Variants in CMYA5 observed in about 807,000 individuals in gnomAD.
The protein encoded by CMYA5 is cardiomyopathy associated 5.
CMYA5 carries 246 observed loss-of-function variants against 318.9 expected under a neutral mutation model. The ratio of observed to expected loss-of-function variants is 0.77; its 90% CI spans 0.70 to 0.86. CMYA5 has a LOEUF of 0.86. Ranked by LOEUF, CMYA5 falls within the 40% of genes least tolerant of loss-of-function variation. The probability of loss-of-function intolerance (pLI) is 0.00; values close to 1 mark genes in which losing one functional copy is unlikely to be tolerated. For missense variants in CMYA5, 4,589 were observed against 4,678.2 expected (o/e 0.98, Z 0.56); for synonymous variants, 1,641 against 1,729.5 (o/e 0.95, Z 1.27).
At chr5:79,778,811 C>CTGTGTGTGTGTGTG in intron 9 of CMYA5, among the ~76,000 whole-genome samples, 1 of 85,016 alleles carries the variant, frequency 1.2e-5, no homozygotes, top group South Asian at 4.7e-4. Context: ...CTCTCTCTTT[C>CTGTGTGTGTGTGTG]TGTGTGTGTG....
At chr5:79,791,098 C>CCATCAGCCCACT in intron 11 of CMYA5, 29 bp downstream of exon 11, 5 of 1,524,758 alleles carry the variant, frequency 3.3e-6, no homozygotes, top group Non-Finnish European at 4.5e-6. Flanking sequence ...CACAAGTGGG[C>CCATCAGCCCACT]TGATGGCCCA....
At chr5:79,721,568 G>A (rs1179121417) in intron 1 of CMYA5, among the ~76,000 whole-genome samples, 3 of 152,086 alleles carry the variant, frequency 2.0e-5, no homozygotes, top group Non-Finnish European at 4.4e-5. Flanking sequence ...TAAAGATATA[G>A]GAAGGTTCCA....
At chr5:79,701,744 C>T (rs76933499) in intron 1 of CMYA5, among the ~76,000 whole-genome samples, 3,229 of 152,248 alleles carry the variant, frequency 0.021, 115 homozygotes, top group African/African-American at 0.073. Flanking sequence ...AACACATTTG[C>T]CCACATAAAA....
chr5:79,712,405 G>A (rs1308488700), intron 1 of CMYA5, among the ~76,000 whole-genome samples: 2 of 151,942 alleles, frequency 1.3e-5, no homozygotes, highest in African/African-American at 2.4e-5. Context: ...TATAGATGGG[G>A]TATCACCATG....
At position 79,761,668 on chromosome 5, in the gene CMYA5, A is replaced by G. The variant is rs530787207; in HGVS notation, c.11261-143A>G. On this transcript the variant is annotated intron_variant, in intron 7 of 12. Transcript: ENST00000446378. ...TGTTGCTTTCACATGTATTCTAAGG[A>G]GCTGGTTTTCACATAATGGTATCTG... 239 of 749,642 alleles carry G rather than the reference A, an allele frequency of 3.2e-4. 3 individuals carry two copies. In the South Asian group the frequency reaches 4.0e-3, roughly 13 times the overall value. The allele number at this position is 749,642 out of a possible 1,614,324, so 46.4% of individuals were successfully genotyped here.
In CMYA5 at chr5:79,758,860, G is replaced by A; in HGVS notation, c.11218G>A (p.Val3740Ile). The change falls in exon 7 of 13, where the codon GTT becomes ATT. Residue 3740 changes from valine to isoleucine, a missense_variant. By Grantham distance (29) the Val-to-Ile change is conservative (BLOSUM62 3). Coordinates refer to ENST00000446378, the MANE Select transcript of CMYA5 (RefSeq NM_153610.5). ...NKEDVIDSFQ[V>I]YCMEEPQDDQ... ...GGAAGATGTCATTGATTCATTTCAG[G>A]TTTACTGCATGGAGGAGCCACAAGA... 1 of 1,602,898 alleles carries A rather than the reference G, an allele frequency of 6.2e-7. No homozygotes were observed. The highest frequency in any genetic ancestry group is 8.5e-7 in the Non-Finnish European group (1 of 1,174,762).
intron 1 of CMYA5, among the ~76,000 whole-genome samples, chr5:79,691,178 C>T (rs1458270302): frequency 6.6e-6 from 1 of 152,110 alleles, no homozygotes; most frequent in African/African-American, 2.4e-5. Flanking sequence ...GAGTGTTGGG[C>T]TGGAGCTGCC....
In CMYA5 at chr5:79,711,263, G is replaced by A. The variant is rs557634776; in HGVS notation, c.150-17652G>A. On this transcript the variant is annotated intron_variant, in intron 1 of 12. Coordinates refer to ENST00000446378, the MANE Select transcript of CMYA5 (RefSeq NM_153610.5). The stretch of plus-strand genomic sequence containing the variant: ...TGATGATGGGTCCATCAGGTAGGTC[G>A]TCTGGGTGCTTTTCACTGGCAGCTC... 5.9e-5 allele frequency among the ~76,000 whole-genome samples: 9 copies of A among 152,258 alleles called. No homozygotes were observed. In the South Asian group the frequency reaches 1.0e-3, roughly 18 times the overall value.
chr5:79,774,416 C>T (rs1490923374), intron 9 of CMYA5: 1 of 152,214 alleles, frequency 6.6e-6, no homozygotes, highest in Non-Finnish European at 1.5e-5. Context: ...AATTTTCCAC[C>T]GTTCTGCTGT....
intron 8 of CMYA5, 167 bp downstream of exon 8, chr5:79,762,124 C>A: frequency 1.5e-6 from 1 of 661,712 alleles, no homozygotes. Context: ...TCTCAAGAAG[C>A]TCATGCTCAG....
rs765408656 is a variant in CMYA5 at position 79,734,228 on chromosome 5, A to T, written c.5463A>T (p.Gln1821His). The stretch of plus-strand genomic sequence containing the variant: ...CTCCTTCTGACCTCCTTGTAGAACA[A>T]AAAAAGACAGAAAAAGCACTTCATT... ...KIAPSDLLVEQKKTEKALHSD... is the reference protein window; with the variant it reads ...KIAPSDLLVEHKKTEKALHSD... Residue 1821 changes from glutamine to histidine, a missense_variant, in exon 2 of 13, where the codon CAA becomes CAT. Gln to His is a conservative substitution (Grantham distance 24, BLOSUM62 0). Coordinates refer to ENST00000446378, the MANE Select transcript of CMYA5 (RefSeq NM_153610.5). 7.4e-6 allele frequency: 12 copies of T among 1,613,688 alleles called. No individual in the cohort carries two copies. The Admixed American group carries it at 8.3e-5, about 11-fold the overall frequency.
At position 79,734,736 on chromosome 5, in the gene CMYA5, C is replaced by T; in HGVS notation, c.5971C>T (p.Pro1991Ser). The T allele has an allele frequency of 6.2e-7, 1 of 1,613,802 alleles. No homozygotes were observed. The highest frequency in any genetic ancestry group is 8.5e-7 in the Non-Finnish European group (1 of 1,179,804). The change falls in exon 2 of 13, where the codon CCA becomes TCA. Residue 1991 changes from proline (P) to serine (S), a missense_variant. Physicochemically the swap from Pro to Ser is moderately conservative, Grantham distance 74. Transcript: ENST00000446378. Reference protein sequence around the residue: ...SSEEVKLAEEPKSLVLAGNVE... With the variant: ...SSEEVKLAEESKSLVLAGNVE... ...TGAAGAAGTAAAGCTGGCTGAAGAA[C>T]CAAAGTCTTTAGTCCTAGCTGGAAA...
rs1828043196 is a variant in CMYA5, at chr5:79,735,631, A to T, written c.6866A>T (p.Tyr2289Phe). 2.5e-6 allele frequency: 4 copies of T among 1,613,570 alleles called. No homozygotes were observed. Among genetic ancestry groups the T allele is most frequent in the Non-Finnish European group, 3.4e-6 (4 of 1,179,720 alleles). Residue 2289 changes from tyrosine (Y) to phenylalanine (F), a missense_variant, in exon 2 of 13, where the codon TAT (tyrosine) becomes TTT (phenylalanine). By Grantham distance (22) the Tyr-to-Phe change is conservative. Coordinates refer to ENST00000446378, the MANE Select transcript of CMYA5 (RefSeq NM_153610.5). Reference sequence around the variant, plus strand: ...ATTTCTGAGGTGTCTAGGGAAGATTATGGAAAAAAAGAAATCTCAGGCGAT... The same window carrying T: ...ATTTCTGAGGTGTCTAGGGAAGATTTTGGAAAAAAAGAAATCTCAGGCGAT... ...KFISEVSRED[Y>F]GKKEISGDSE...
intron 1 of CMYA5, among the ~76,000 whole-genome samples, chr5:79,698,068 C>T (rs1018857574): frequency 4.6e-5 from 7 of 151,978 alleles, no homozygotes; most frequent in Non-Finnish European, 8.8e-5. Context: ...AGTTATTTAC[C>T]ATAATATGTA....
intron 3 of CMYA5, among the ~76,000 whole-genome samples, chr5:79,744,544 C>T (rs1001562948): frequency 2.0e-5 from 3 of 152,238 alleles, no homozygotes; most frequent in African/African-American, 7.2e-5. Context: ...GAGGCTGCTG[C>T]ACAGTTTCCC....
At chr5:79,789,590 A>C (rs1315582137) in intron 10 of CMYA5, among the ~76,000 whole-genome samples, 1 of 151,680 alleles carries the variant, frequency 6.6e-6, no homozygotes, top group Non-Finnish European at 1.5e-5. Flanking sequence ...TGCCTGGCTA[A>C]TTTTTGGATT....
chr5:79,714,431 C>CTTTTTTTTTTTTTT (rs71615553), intron 1 of CMYA5, among the ~76,000 whole-genome samples: 3 of 100,670 alleles, frequency 3.0e-5, no homozygotes, highest in African/African-American at 4.3e-5. Context: ...TTTTCTTTTT[C>CTTTTTTTTTTTTTT]TTTTTTTTTT....
In CMYA5 at chr5:79,729,146, A is replaced by C; in HGVS notation, c.381A>C (p.Glu127Asp). The C allele has an allele frequency of 1.9e-6, 3 of 1,613,010 alleles. No individual in the cohort carries two copies. The highest frequency in any genetic ancestry group is 2.5e-6 in the Non-Finnish European group (3 of 1,179,478). Residue 127 changes from glutamate to aspartate, a missense_variant, in exon 2 of 13, where the codon GAA becomes GAC. Around this residue, in one of 3 missense-constraint regions of CMYA5, gnomAD observed 2,132 missense variants for 2,131.3 expected, o/e 1.00. Coordinates refer to ENST00000446378, the MANE Select transcript of CMYA5 (RefSeq NM_153610.5). ...PPGNVSFIVD[E>D]VKKVRKRTHK... ...GAAATGTTTCCTTTATTGTGGATGAAGTGAAAAAGGTTCGGAAAAGGACTC... is the reference window on the plus strand; with the variant it reads ...GAAATGTTTCCTTTATTGTGGATGACGTGAAAAAGGTTCGGAAAAGGACTC...
intron 12 of CMYA5, 38 bp downstream of exon 12, chr5:79,793,648 T>A (rs749659317): frequency 6.4e-7 from 1 of 1,564,996 alleles, no homozygotes; most frequent in Admixed American, 1.7e-5. Flanking sequence ...CATCAAAATA[T>A]TATGCTTGGG....
Sources: allele counts gnomAD v4.1 joint callset (sites outside exome capture counted in the v4.1 genomes callset), GRCh38; gene constraint gnomAD v4.1.1; regional missense constraint gnomAD v4.1.1; transcripts MANE v1.5; gene names NCBI Gene and HGNC (gene_info 2026-07-23, HGNC 2026-07-21).